The following NEGR1 variants were observed in gnomAD, a reference collection of about 807,000 sequenced individuals.
NEGR1 encodes the protein IgLON family member 4.
In NEGR1, 10 loss-of-function variants were observed where a neutral mutation model predicts 40.9. That is an observed-to-expected ratio of 0.24 (90% CI 0.15 to 0.42). The LOEUF is 0.42. Among genes scored for constraint, NEGR1 ranks in the 10% least tolerant of loss-of-function variants. The pLI, the probability that NEGR1 is intolerant of heterozygous loss-of-function variation, is 1.00. For missense variants in NEGR1, 352 were observed against 438.9 expected (o/e 0.80, Z 1.77); for synonymous variants, 185 against 166.8 (o/e 1.11, Z -0.84).
chr1:71,605,422 A>G (rs1427319098), intron 5 of NEGR1, among the ~76,000 whole-genome samples: 1 of 152,178 alleles, frequency 6.6e-6, no homozygotes, highest in Non-Finnish European at 1.5e-5. Flanking sequence ...TGCAGGCAAA[A>G]TAACAAAAAT....
intron 3 of NEGR1, among the ~76,000 whole-genome samples, chr1:71,724,423 C>A (rs190869269): frequency 5.3e-5 from 8 of 152,146 alleles, no homozygotes; most frequent in African/African-American, 1.9e-4. Flanking sequence ...TTTAATGGTG[C>A]TTTTAACACA....
At chr1:71,939,078 C>T (rs1645936368) in intron 1 of NEGR1, among the ~76,000 whole-genome samples, 1 of 152,106 alleles carries the variant, frequency 6.6e-6, no homozygotes, top group Non-Finnish European at 1.5e-5. Flanking sequence ...TTCCACTTTA[C>T]TCTGCTCTAG....
chr1:71,909,177 T>C (rs967497692), intron 2 of NEGR1, among the ~76,000 whole-genome samples: 9 of 152,174 alleles, frequency 5.9e-5, no homozygotes, highest in African/African-American at 1.9e-4. Flanking sequence ...AAAGATGCAA[T>C]TGTCTATTTA....
intron 4 of NEGR1, among the ~76,000 whole-genome samples, chr1:71,611,569 C>G (rs1202873692): frequency 6.6e-6 from 1 of 152,188 alleles, no homozygotes; most frequent in Non-Finnish European, 1.5e-5. Context: ...ATGGTATTAT[C>G]TCAATTTTAC....
intron 4 of NEGR1, among the ~76,000 whole-genome samples, chr1:71,629,838 T>A (rs971900666): frequency 2.0e-5 from 3 of 151,908 alleles, no homozygotes; most frequent in African/African-American, 7.2e-5. Context: ...ATCCAATAAG[T>A]TAGAATTTAA....
intron 5 of NEGR1, among the ~76,000 whole-genome samples, chr1:71,594,186 A>T (rs1305930108): frequency 6.6e-6 from 1 of 152,210 alleles, no homozygotes; most frequent in African/African-American, 2.4e-5. Context: ...TGAGTATGTC[A>T]ACTTGATAAT....
intron 1 of NEGR1, among the ~76,000 whole-genome samples, chr1:72,249,325 C>T (rs1441282053): frequency 1.3e-5 from 2 of 152,154 alleles, no homozygotes; most frequent in African/African-American, 4.8e-5. Flanking sequence ...TATTTAAAAC[C>T]TACCCAGTTC....
intron 3 of NEGR1, among the ~76,000 whole-genome samples, chr1:71,726,186 C>T (rs1179480366): frequency 6.6e-6 from 1 of 151,914 alleles, no homozygotes; most frequent in Non-Finnish European, 1.5e-5. Context: ...TTCTGTGAAA[C>T]CCAGACTCTA....
chr1:72,094,272 A>G (rs1648612590), intron 1 of NEGR1, among the ~76,000 whole-genome samples: 1 of 152,208 alleles, frequency 6.6e-6, no homozygotes, highest in Non-Finnish European at 1.5e-5. Context: ...ATGAAAGATA[A>G]CACATTTATG....
At chr1:71,947,103 C>A (rs1346302749) in intron 1 of NEGR1, among the ~76,000 whole-genome samples, 1 of 115,906 alleles carries the variant, frequency 8.6e-6, no homozygotes, top group Non-Finnish European at 2.0e-5. Flanking sequence ...CACACACACA[C>A]ACACACACAC....
chr1:71,474,517 T>TACACAC (rs57225665), intron 6 of NEGR1, among the ~76,000 whole-genome samples: 8,918 of 115,354 alleles, frequency 0.077, 389 homozygotes, highest in Middle Eastern at 0.13. Context: ...CTACTAACAA[T>TACACAC]ACACACACAC....
At chr1:71,440,160 T>C (rs1450119463) in intron 6 of NEGR1, among the ~76,000 whole-genome samples, 1 of 152,208 alleles carries the variant, frequency 6.6e-6, no homozygotes, top group African/African-American at 2.4e-5. Context: ...AAAGAATAAG[T>C]ATCTTCACCC....
At chr1:72,238,243 A>C (rs1165134658) in intron 1 of NEGR1, among the ~76,000 whole-genome samples, 1 of 151,900 alleles carries the variant, frequency 6.6e-6, no homozygotes, top group Non-Finnish European at 1.5e-5. Flanking sequence ...AGTGTTAACA[A>C]TACCAAGCCC....
chr1:71,855,303 AT>A (rs571720503), intron 2 of NEGR1, among the ~76,000 whole-genome samples: 6 of 151,878 alleles, frequency 4.0e-5, no homozygotes, highest in Admixed American at 6.6e-5. Flanking sequence ...AGGAAACTTC[AT>A]TTTTTTTCAC....
intron 2 of NEGR1, chr1:71,798,113 CAG>C (rs1657406307): frequency 1.3e-5 from 2 of 151,880 alleles, no homozygotes; most frequent in Non-Finnish European, 2.9e-5. Flanking sequence ...ACAAGATAAA[CAG>C]AGCACAGCCA....
At chr1:72,018,061 GAA>G (rs1027318610) in intron 1 of NEGR1, among the ~76,000 whole-genome samples, 34 of 152,186 alleles carry the variant, frequency 2.2e-4, no homozygotes, top group African/African-American at 7.5e-4. Context: ...TGAAGGCACT[GAA>G]AAAATATTTT....
At chr1:71,783,567 C>G (rs1656796004) in intron 2 of NEGR1, among the ~76,000 whole-genome samples, 1 of 152,050 alleles carries the variant, frequency 6.6e-6, no homozygotes, top group Non-Finnish European at 1.5e-5. Context: ...GAAAAAGATA[C>G]CAAGCATGAG....
At chr1:71,712,254 G>A (rs1028131943) in intron 3 of NEGR1, among the ~76,000 whole-genome samples, 5 of 152,100 alleles carry the variant, frequency 3.3e-5, no homozygotes, top group Admixed American at 3.3e-4. Context: ...ATATCAAATG[G>A]CAATGAGGAT....
intron 1 of NEGR1, among the ~76,000 whole-genome samples, chr1:72,281,732 A>G (rs150277706): frequency 1.3e-5 from 2 of 152,266 alleles, no homozygotes; most frequent in African/African-American, 4.8e-5. Context: ...AAAACAGAAA[A>G]TAGAAAAGGT....
Sources: allele counts gnomAD v4.1 joint callset (sites outside exome capture counted in the v4.1 genomes callset), GRCh38; gene constraint gnomAD v4.1.1; transcripts MANE v1.5; gene names NCBI Gene and HGNC (gene_info 2026-07-23, HGNC 2026-07-21).